Variants in VIPR2 observed in about 807,000 individuals in gnomAD.
VIPR2 encodes the protein vasoactive intestinal polypeptide receptor 2.
In VIPR2, 48 loss-of-function variants were observed where a neutral mutation model predicts 58.0. That is an observed-to-expected ratio of 0.83 (90% CI 0.66 to 1.05). The LOEUF (loss-of-function observed/expected upper bound fraction) is 1.05, where lower values mean the gene tolerates loss of function less well. Ranked by LOEUF, VIPR2 falls within the 50% of genes least tolerant of loss-of-function variation. The probability of loss-of-function intolerance (pLI) is 0.00; values close to 1 mark genes in which losing one functional copy is unlikely to be tolerated. For missense variants in VIPR2, 534 were observed against 558.0 expected, an observed-to-expected ratio of 0.96 and a Z score of 0.43; for synonymous variants, 243 against 235.2, an observed-to-expected ratio of 1.03 and a Z score of -0.30.
At chr7:159,084,974 GGA>G (rs1411979653) in intron 4 of VIPR2, among the ~76,000 whole-genome samples, 1 of 152,212 alleles carries the variant, frequency 6.6e-6, no homozygotes, top group Non-Finnish European at 1.5e-5. Context: ...TTCTAAAAAC[GGA>G]GGTGCTGTTT....
intron 2 of VIPR2, among the ~76,000 whole-genome samples, chr7:159,113,462 G>A (rs1449826085): frequency 1.3e-5 from 2 of 152,040 alleles, no homozygotes; most frequent in Non-Finnish European, 1.5e-5. Flanking sequence ...GTCTGCCAAT[G>A]CTTCCAGCTG....
At chr7:159,062,672 AAGATTT>A (rs1855768316) in intron 4 of VIPR2, among the ~76,000 whole-genome samples, 1 of 67,840 alleles carries the variant, frequency 1.5e-5, no homozygotes, top group Admixed American at 1.7e-4. Context: ...AAGCAGCAGC[AAGATTT>A]ACTGCAGCAA....
At chr7:159,143,167 G>C (rs948208023) in intron 1 of VIPR2, among the ~76,000 whole-genome samples, 13 of 152,190 alleles carry the variant, frequency 8.5e-5, no homozygotes, top group Non-Finnish European at 1.8e-4. Context: ...GGATCCATCA[G>C]GGGAGCGAAA....
chr7:159,067,952 G>A (rs554213194), intron 4 of VIPR2, among the ~76,000 whole-genome samples: 3 of 152,366 alleles, frequency 2.0e-5, no homozygotes, highest in Non-Finnish European at 2.9e-5. Flanking sequence ...CAGGTGCTGC[G>A]GGGGCCGCTA....
In VIPR2 at chr7:159,096,738, T is replaced by C. The variant is rs1347254264; in HGVS notation, c.357+7019A>G. On this transcript the variant is annotated intron_variant, in intron 4 of 12. Coordinates refer to ENST00000262178, the MANE Select transcript of VIPR2 (RefSeq NM_003382.5). The surrounding 1 kb of genome is among the most constrained non-coding windows in gnomAD (Gnocchi z 5.5). ...CTGTCTGGTTGTGCCAGGTGACAGC[T>C]GAATGATTTCTGCCTGTGGCCAGAT... The C allele has an allele frequency of 2.2e-6, 3 of 1,394,526 alleles. No individual in the cohort carries two copies. Among genetic ancestry groups the C allele is most frequent in the Non-Finnish European group, 2.8e-6 (3 of 1,070,630 alleles). 86.4% of individuals were successfully genotyped at this position (1,394,526 alleles called of 1,614,324 possible). A position where few individuals can be genotyped will look rare whatever the true frequency, so the allele number is the denominator to read the frequency against.
chr7:159,081,492 T>A (rs1051219360), intron 4 of VIPR2, among the ~76,000 whole-genome samples: 3 of 152,326 alleles, frequency 2.0e-5, no homozygotes, highest in South Asian at 2.1e-4. Flanking sequence ...GACTTACATG[T>A]TAGACCTAAA....
chr7:159,100,346 T>C (rs993046398), intron 4 of VIPR2, among the ~76,000 whole-genome samples: 1 of 151,868 alleles, frequency 6.6e-6, no homozygotes, highest in Non-Finnish European at 1.5e-5. Flanking sequence ...CAGTAACACC[T>C]GCCAATGCCA....
intron 4 of VIPR2, among the ~76,000 whole-genome samples, chr7:159,081,023 G>A (rs1269772917): frequency 2.0e-5 from 3 of 152,176 alleles, no homozygotes; most frequent in Non-Finnish European, 2.9e-5. Context: ...AATCAATACC[G>A]TGAAAATGGC....
chr7:159,047,777 A>C (rs1260174929), intron 5 of VIPR2, among the ~76,000 whole-genome samples: 1 of 152,234 alleles, frequency 6.6e-6, no homozygotes, highest in Non-Finnish European at 1.5e-5. Context: ...CAATGAACTT[A>C]ATGATCTAGT....
rs554339950 is a variant in VIPR2 at position 159,070,727 on chromosome 7, T to C, written c.358-12149A>G. The stretch of plus-strand genomic sequence containing the variant: ...AATTAAAATTTGTGTTTGTCTTCAC[T>C]AGAAGAATAGAAAGGGCTACATTGC... On this transcript the variant is annotated intron_variant, in intron 4 of 12. Coordinates refer to ENST00000262178, the MANE Select transcript of VIPR2 (RefSeq NM_003382.5). Among the ~76,000 whole-genome samples the C allele has an allele frequency of 1.3e-3, 198 of 152,364 alleles. 3 individuals carry two copies. The highest frequency in any genetic ancestry group is 4.4e-3 in the African/African-American group (185 of 41,590).
intron 4 of VIPR2, among the ~76,000 whole-genome samples, chr7:159,059,628 CT>C (rs1855517363): frequency 6.6e-6 from 1 of 152,164 alleles, no homozygotes; most frequent in South Asian, 2.1e-4. Context: ...CTTAGGACAG[CT>C]CAGAGAAGAG....
intron 1 of VIPR2, chr7:159,144,418 G>C: frequency 6.5e-7 from 1 of 1,547,624 alleles, no homozygotes; most frequent in African/African-American, 1.4e-5. Context: ...CCCCGAACGA[G>C]CTCATCGTTG....
rs1181875786 is a variant in VIPR2 at position 159,031,783 on chromosome 7, G to A, written c.1143+45C>T. 1.2e-6 allele frequency: 2 copies of A among 1,613,362 alleles called. No individual in the cohort carries two copies. Among genetic ancestry groups the A allele is most frequent in the African/African-American group, 1.3e-5 (1 of 74,900 alleles). ...ACCAGGCTGGGCAGCATCTCAGGAA[G>A]CAAGTGAGTACCTGTGCTTGGTTCC... is the stretch of plus-strand genomic sequence containing the variant. On this transcript the variant is annotated intron_variant, in intron 12 of 12. Coordinates refer to ENST00000262178, the MANE Select transcript of VIPR2 (RefSeq NM_003382.5). This position sits in a 1 kb window ranked among gnomAD's most constrained non-coding sequence, Gnocchi z 4.0.
At chr7:159,110,121 T>G (rs1281620960) in intron 2 of VIPR2, among the ~76,000 whole-genome samples, 4 of 152,232 alleles carry the variant, frequency 2.6e-5, no homozygotes, top group Non-Finnish European at 5.9e-5. Context: ...AGAAAGCATT[T>G]GAGTACTTCA....
chr7:159,119,413 C>T (rs1043497741), intron 2 of VIPR2, among the ~76,000 whole-genome samples: 45 of 152,324 alleles, frequency 3.0e-4, no homozygotes, highest in Non-Finnish European at 4.3e-4. Flanking sequence ...CAGGACAACA[C>T]GTGGCCTGCG....
intron 4 of VIPR2, among the ~76,000 whole-genome samples, chr7:159,084,236 C>T (rs1382315991): frequency 6.6e-6 from 1 of 152,268 alleles, no homozygotes; most frequent in Non-Finnish European, 1.5e-5. Flanking sequence ...GTTCTGCAGG[C>T]AGGCAGTGGA....
intron 4 of VIPR2, among the ~76,000 whole-genome samples, chr7:159,066,467 C>T (rs796985899): frequency 2.0e-5 from 3 of 148,626 alleles, no homozygotes; most frequent in African/African-American, 5.0e-5. Context: ...TGCCTGTTCC[C>T]GCACCATCTG....
Position 159,031,079 on chromosome 7 carries a change from A to G in VIPR2, c.1144-290T>C, listed in dbSNP as rs1853546157. Among the ~76,000 whole-genome samples the G allele has an allele frequency of 6.6e-6, 1 of 151,862 alleles. No homozygotes were observed. Among genetic ancestry groups the G allele is most frequent in the Non-Finnish European group, 1.5e-5 (1 of 67,992 alleles). ...AGTCCCACAGTCTCAGATAGTTAAT[A>G]TTTCTCTGAAAAGATTTTCCTTAGC... On this transcript the variant is annotated intron_variant, in intron 12 of 12. Transcript: ENST00000262178. This position sits in a 1 kb window ranked among gnomAD's most constrained non-coding sequence, Gnocchi z 4.0.
intron 2 of VIPR2, among the ~76,000 whole-genome samples, chr7:159,123,220 G>C (rs186065811): frequency 4.2e-5 from 6 of 142,234 alleles, no homozygotes; most frequent in African/African-American, 1.6e-4. Flanking sequence ...TTCAACCCAG[G>C]AGGCAGAGGT....
Sources: allele counts gnomAD v4.1 joint callset (sites outside exome capture counted in the v4.1 genomes callset), GRCh38; gene constraint gnomAD v4.1.1; non-coding constraint Gnocchi (gnomAD v3.1); transcripts MANE v1.5; gene names NCBI Gene and HGNC (gene_info 2026-07-23, HGNC 2026-07-21).